The following SRGAP3 variants were observed in gnomAD, a reference collection of about 807,000 sequenced individuals.
SRGAP3 encodes the protein SLIT-ROBO Rho GTPase activating protein 3.
SRGAP3 carries 39 observed loss-of-function variants against 121.1 expected under a neutral mutation model. The observed-to-expected ratio is 0.32, with a 90% confidence interval of 0.25 to 0.42. The LOEUF is 0.42. SRGAP3 is among the 10% of genes least tolerant of loss of function. The pLI, the probability that SRGAP3 is intolerant of heterozygous loss-of-function variation, is 1.00. For synonymous variants in SRGAP3, 601 were observed against 570.0 expected (o/e 1.05, Z -0.77); for missense variants, 1,213 against 1,470.6 (o/e 0.82, Z 2.86).
chr3:9,351,242 G>T (rs1265407811), intron 1 of SRGAP3, among the ~76,000 whole-genome samples: 1 of 152,140 alleles, frequency 6.6e-6, no homozygotes, highest in African/African-American at 2.4e-5. Context: ...TTATAACCAT[G>T]AGAAGAATTG....
At chr3:9,158,201 G>A (rs890961256) in intron 1 of SRGAP3, among the ~76,000 whole-genome samples, 1 of 152,134 alleles carries the variant, frequency 6.6e-6, no homozygotes, top group African/African-American at 2.4e-5. Context: ...TCTCCTGTCC[G>A]CTCAAACCTG....
In SRGAP3 at chr3:9,162,696, G is replaced by C. The variant is rs1194358181; in HGVS notation, c.68-37779C>G. Among the ~76,000 whole-genome samples the C allele has an allele frequency of 2.6e-5, 4 of 152,250 alleles. 1 individual carries two copies. Among genetic ancestry groups the C allele is most frequent in the African/African-American group, 9.6e-5 (4 of 41,460 alleles). The stretch of plus-strand genomic sequence containing the variant: ...TGGGTGAAGCACCAAGGGTGGGCAA[G>C]GCTAAGGAGCATGAGCTCTTAGAGC... On this transcript the variant is annotated intron_variant, in intron 1 of 21. Transcript: ENST00000383836.
At chr3:9,298,007 G>A (rs1290223378) in intron 3 of SRGAP3, among the ~76,000 whole-genome samples, 1 of 152,142 alleles carries the variant, frequency 6.6e-6, no homozygotes, top group Non-Finnish European at 1.5e-5. Context: ...AAGGAGATAA[G>A]CCTCAGAAGA....
At chr3:9,030,015 G>A (rs1559954086) in intron 12 of SRGAP3, among the ~76,000 whole-genome samples, 2 of 152,028 alleles carry the variant, frequency 1.3e-5, no homozygotes, top group Admixed American at 1.3e-4. Context: ...AGCCAAGCAT[G>A]GTGGTGCATG....
chr3:9,285,237 G>A (rs1039861242), intron 3 of SRGAP3, among the ~76,000 whole-genome samples: 2 of 152,172 alleles, frequency 1.3e-5, no homozygotes, highest in African/African-American at 2.4e-5. Context: ...GAAGCACCAG[G>A]GTCCACTGAC....
chr3:9,256,113 G>T (rs910883205), intron 3 of SRGAP3, among the ~76,000 whole-genome samples: 2 of 152,020 alleles, frequency 1.3e-5, no homozygotes, highest in Non-Finnish European at 2.9e-5. Flanking sequence ...ACCAGTCCCC[G>T]CTTCCTTAGG....
intron 12 of SRGAP3, among the ~76,000 whole-genome samples, chr3:9,031,951 G>C (rs1409208885): frequency 6.6e-6 from 1 of 152,096 alleles, no homozygotes; most frequent in Admixed American, 6.5e-5. Flanking sequence ...TTTCCCTTGA[G>C]CCATTATATC....
chr3:9,156,509 T>G (rs903379639), intron 1 of SRGAP3, among the ~76,000 whole-genome samples: 1 of 152,172 alleles, frequency 6.6e-6, no homozygotes, highest in African/African-American at 2.4e-5. Context: ...GATGTGTTGG[T>G]ATATTACTCT....
At chr3:9,054,331 A>G (rs969731483) in intron 8 of SRGAP3, among the ~76,000 whole-genome samples, 1 of 152,226 alleles carries the variant, frequency 6.6e-6, no homozygotes, top group Non-Finnish European at 1.5e-5. Flanking sequence ...TCTGAAGCCT[A>G]CAACCGGGAG....
chr3:9,206,286 T>C (rs1431371859), intron 1 of SRGAP3, among the ~76,000 whole-genome samples: 1 of 152,174 alleles, frequency 6.6e-6, no homozygotes, highest in Non-Finnish European at 1.5e-5. Flanking sequence ...TACTGTATTA[T>C]CCCTGCTTTA....
chr3:9,187,918 TC>T (rs1448512661), intron 1 of SRGAP3, among the ~76,000 whole-genome samples: 1 of 151,778 alleles, frequency 6.6e-6, no homozygotes, highest in Non-Finnish European at 1.5e-5. Flanking sequence ...TCACAACAAA[TC>T]CCCCAAACTC....
rs962318866 is a variant in SRGAP3 at position 9,331,677 on chromosome 3, G to A, written n.215-1081C>T. 6.6e-5 allele frequency among the ~76,000 whole-genome samples: 10 copies of A among 152,274 alleles called. No individual in the cohort carries two copies. The East Asian group carries it at 1.5e-3, about 23-fold the overall frequency. ...GAGACTTGCTTTGACTGACAGAATA[G>A]GGCAGAAATGACATTGCATAAGTTG... On this transcript the variant is annotated intron_variant and non_coding_transcript_variant, in intron 1 of 3. Coordinates refer to the SRGAP3 transcript ENST00000490889.
chr3:9,266,018 T>C (rs544194233), intron 3 of SRGAP3, among the ~76,000 whole-genome samples: 22 of 152,258 alleles, frequency 1.4e-4, no homozygotes, highest in African/African-American at 5.3e-4. Context: ...GTAGCACATA[T>C]ACACCACAGA....
intron 15 of SRGAP3, chr3:9,014,118 C>G: frequency 2.0e-6 from 1 of 493,056 alleles, no homozygotes; most frequent in East Asian, 3.9e-5. Flanking sequence ...CCTCTTGGAC[C>G]TGGGTAGAGG....
intron 1 of SRGAP3, among the ~76,000 whole-genome samples, chr3:9,335,568 T>C (rs994656605): frequency 1.3e-5 from 2 of 152,210 alleles, no homozygotes; most frequent in African/African-American, 2.4e-5. Context: ...TCCTTAGTCC[T>C]GGTCCTTTTG....
chr3:9,256,908 G>C (rs185449540), intron 3 of SRGAP3: 54 of 398,490 alleles, frequency 1.4e-4, no homozygotes, highest in Admixed American at 3.1e-4. Context: ...TTAAGAAACA[G>C]AATAACAAGA....
chr3:9,353,160 G>A (rs2030289840), intron 1 of SRGAP3, among the ~76,000 whole-genome samples: 1 of 152,218 alleles, frequency 6.6e-6, no homozygotes, highest in South Asian at 2.1e-4. Context: ...CTTTGTGCAG[G>A]AGACCTGATG....
At chr3:9,039,181 T>C (rs1464826115) in intron 10 of SRGAP3, among the ~76,000 whole-genome samples, 1 of 152,208 alleles carries the variant, frequency 6.6e-6, no homozygotes, top group Non-Finnish European at 1.5e-5. Flanking sequence ...GCTGCTCAGT[T>C]CACGACTCCC....
chr3:9,119,076 C>T (rs1333078424), intron 2 of SRGAP3, among the ~76,000 whole-genome samples: 1 of 152,226 alleles, frequency 6.6e-6, no homozygotes, highest in African/African-American at 2.4e-5. Flanking sequence ...TCTGCCATCT[C>T]GGAGCTTGCA....
Sources: gnomAD v4.1 joint callset for allele counts (sites outside exome capture counted in the v4.1 genomes callset) on GRCh38, gnomAD v4.1.1 for gene constraint, MANE v1.5 for transcripts, NCBI Gene and HGNC (gene_info 2026-07-23, HGNC 2026-07-21) for gene names.